TGFBR1: variants seen among roughly 807,000 people sequenced by gnomAD.
TGFBR1 encodes the protein transforming growth factor beta receptor 1.
TGFBR1 carries 20 observed loss-of-function variants against 55.1 expected under a neutral mutation model. The ratio of observed to expected loss-of-function variants is 0.36; its 90% confidence interval spans 0.26 to 0.53. The LOEUF (loss-of-function observed/expected upper bound fraction) is 0.53. TGFBR1 is among the 20% of genes least tolerant of loss of function. The pLI is 0.91. For synonymous variants in TGFBR1, 220 were observed against 214.8 expected, an observed-to-expected ratio of 1.02 and a Z score of -0.21; for missense variants, 385 against 617.6, an observed-to-expected ratio of 0.62 and a Z score of 3.99.
chr9:99,142,783 G>T, intron 5 of TGFBR1, 80 bp downstream of exon 5: 1 of 1,525,408 alleles, frequency 6.6e-7, no homozygotes, highest in Non-Finnish European at 9.0e-7. Context: ...TGGAGGCTGG[G>T]CCTGGTGGCT....
At position 99,119,324 on chromosome 9, in the gene TGFBR1, G is replaced by C. The variant is rs529382448; in HGVS notation, c.98-9531G>C. On this transcript the variant is annotated intron_variant, in intron 1 of 8. Coordinates refer to ENST00000374994, the MANE Select transcript of TGFBR1 (RefSeq NM_004612.4). ...TTTGTATGTCATTCCCCTAGCCCAG[G>C]ATGATCAGCCACTTTCATTTACGTT... Among the ~76,000 whole-genome samples, 7 of 152,218 alleles carry C rather than the reference G, an allele frequency of 4.6e-5. No homozygotes were observed. The East Asian group carries it at 1.4e-3, about 29-fold the overall frequency.
At chr9:99,130,429 G>A (rs754577858) in intron 2 of TGFBR1, among the ~76,000 whole-genome samples, 4 of 152,330 alleles carry the variant, frequency 2.6e-5, no homozygotes, top group Non-Finnish European at 4.4e-5. Context: ...TGTTCAGCAT[G>A]ATAATGCAGC....
chr9:99,127,782 A>G (rs577998359), intron 1 of TGFBR1: 1 of 367,576 alleles, frequency 2.7e-6, no homozygotes, highest in African/African-American at 2.1e-5. Context: ...AGTAATTGGA[A>G]TGTTTGGATT....
chr9:99,138,446 GCTGTTTC>G (rs1827507478), intron 4 of TGFBR1, among the ~76,000 whole-genome samples: 1 of 152,216 alleles, frequency 6.6e-6, no homozygotes, highest in African/African-American at 2.4e-5. Flanking sequence ...GGCTCAGATA[GCTGTTTC>G]CTTTTAATCT....
chr9:99,128,407 A>G (rs1827102461), intron 1 of TGFBR1, among the ~76,000 whole-genome samples: 2 of 150,932 alleles, frequency 1.3e-5, no homozygotes, highest in Non-Finnish European at 2.9e-5. Context: ...CCTACACTTA[A>G]TGGGTGGTAG....
intron 4 of TGFBR1, 54 bp downstream of exon 4, chr9:99,138,143 T>C (rs1325493358): frequency 6.8e-7 from 1 of 1,479,722 alleles, no homozygotes; most frequent in African/African-American, 1.4e-5. Context: ...TCTTTAAGTC[T>C]TTACAGATAT....
intron 7 of TGFBR1, 87 bp downstream of exon 7, chr9:99,146,696 G>T: frequency 6.3e-7 from 1 of 1,584,848 alleles, no homozygotes; most frequent in Non-Finnish European, 8.7e-7. Context: ...ATGAAATTAT[G>T]TACAGTCCAT....
At chr9:99,134,802 T>TTATATATATATATATA (rs10625219) in intron 3 of TGFBR1, among the ~76,000 whole-genome samples, 20 of 41,362 alleles carry the variant, frequency 4.8e-4, no homozygotes, top group Non-Finnish European at 8.0e-4. Context: ...TCTGTTTCCA[T>TTATATATATATATATA]TATATATATA....
At chr9:99,103,962 A>C (rs1031621529), upstream of TGFBR1, 1 of 152,230 alleles carries the variant, frequency 6.6e-6, no homozygotes, top group Non-Finnish European at 1.5e-5. Context: ...CACAGAAAAT[A>C]AAATTTCCTC....
rs202010361 is a variant in TGFBR1, at chr9:99,142,659, C to T, written c.929C>T (p.Ala310Val). 23 of 1,614,066 alleles carry T rather than the reference C, an allele frequency of 1.4e-5. No homozygotes were observed. The African/African-American group carries it at 2.0e-4, about 14-fold the overall frequency. ...ATGATAAAACTTGCTCTGTCCACGG[C>T]GAGCGGTCTTGCCCATCTTCACATG... ...EGMIKLALST[A>V]SGLAHLHMEI... The change falls in exon 5 of 9, where the codon GCG becomes GTG. Residue 310 changes from alanine to valine, a missense_variant. Ala to Val is a moderately conservative substitution (Grantham distance 64, BLOSUM62 0). Around this residue, in one of 5 missense-constraint regions of TGFBR1, gnomAD observed 85 missense variants for 228.4 expected, o/e 0.37. Coordinates refer to ENST00000374994, the MANE Select transcript of TGFBR1 (RefSeq NM_004612.4).
chr9:99,127,273 A>G (rs1827069323), intron 1 of TGFBR1, among the ~76,000 whole-genome samples: 1 of 152,180 alleles, frequency 6.6e-6, no homozygotes, highest in South Asian at 2.1e-4. Context: ...GAAGTTGTCA[A>G]CCAGGGAAGT....
chr9:99,152,314 C>T lies in TGFBR1; in HGVS notation c.*3009C>T, dbSNP rs1456956160. The T allele has an allele frequency of 9.2e-6, 2 of 218,398 alleles. No individual in the cohort carries two copies. The highest frequency in any genetic ancestry group is 6.7e-5 in the East Asian group (1 of 14,982). 13.5% of individuals were successfully genotyped at this position (218,398 alleles called of 1,614,324 possible). ...GAGGAGTGGGATGGCAGCAAGGTGG[C>T]TCCTGTGGCAGTGGAGTTGTGCCAG... is the stretch of plus-strand genomic sequence containing the variant. On this transcript the variant is annotated 3_prime_UTR_variant, in exon 9 of 9. Coordinates refer to ENST00000374994, the MANE Select transcript of TGFBR1 (RefSeq NM_004612.4).
chr9:99,123,645 T>A (rs1178902124), intron 1 of TGFBR1, among the ~76,000 whole-genome samples: 1 of 152,200 alleles, frequency 6.6e-6, no homozygotes, highest in East Asian at 1.9e-4. Flanking sequence ...GTTTTCTTTT[T>A]AAAATTTTTA....
intron 1 of TGFBR1, among the ~76,000 whole-genome samples, chr9:99,106,880 A>G (rs767245733): frequency 6.6e-6 from 1 of 152,220 alleles, no homozygotes; most frequent in Non-Finnish European, 1.5e-5. Flanking sequence ...GTGGGCCTGC[A>G]TTAGAGGAAA....
chr9:99,137,721 A>T, intron 3 of TGFBR1, 138 bp from the exon 4 acceptor site: 1 of 659,046 alleles, frequency 1.5e-6, no homozygotes, highest in Non-Finnish European at 2.7e-6. Context: ...TGCAAATATA[A>T]TATCTCCCCA....
rs992009972 is a variant in TGFBR1, at chr9:99,149,358, T to C, written c.*53T>C. 25 of 1,610,462 alleles carry C rather than the reference T, an allele frequency of 1.6e-5. No individual in the cohort carries two copies. The African/African-American group carries it at 3.2e-4, about 21-fold the overall frequency. ...TTTTCTTCAGATCTGCTCCTGGGTT[T>C]TAATTTGGGAGGTCAATTGTTCTAC... On this transcript the variant is annotated 3_prime_UTR_variant, in exon 9 of 9. Coordinates refer to ENST00000374994, the MANE Select transcript of TGFBR1 (RefSeq NM_004612.4).
rs1405292811 is a variant in TGFBR1 at position 99,149,279 on chromosome 9, A to G, written c.1486A>G (p.Ser496Gly). 6.2e-7 allele frequency: 1 copy of G among 1,613,888 alleles called. No homozygotes were observed. The highest frequency in any genetic ancestry group is 8.5e-7 in the Non-Finnish European group (1 of 1,179,862). The change falls in exon 9 of 9, where the codon AGT becomes GGT. Residue 496 changes from serine (S) to glycine (G), a missense_variant. Coordinates refer to ENST00000374994, the MANE Select transcript of TGFBR1 (RefSeq NM_004612.4). ...GATTAAGAAAACATTATCGCAACTC[A>G]GTCAACAGGAAGGCATCAAAATGTA... Reference protein sequence around the residue: ...LRIKKTLSQLSQQEGIKM With the variant: ...LRIKKTLSQLGQQEGIKM
intron 4 of TGFBR1, 29 bp from the exon 5 acceptor site, chr9:99,142,507 C>T: frequency 6.2e-7 from 1 of 1,613,588 alleles, no homozygotes; most frequent in African/African-American, 1.3e-5. Flanking sequence ...GGTCTGCAGC[C>T]CAACCGAAAT....
rs536310981 is a variant in TGFBR1, at chr9:99,143,459, A to G, written c.973+756A>G. ...GTTGAAAAATTAAATACTAAGTTTT[A>G]GTTATGACATTTGTATGCTGTAGTT... On this transcript the variant is annotated intron_variant, in intron 5 of 8. Transcript: ENST00000374994. Among the ~76,000 whole-genome samples, 13 of 152,336 alleles carry G rather than the reference A, an allele frequency of 8.5e-5. No homozygotes were observed. The South Asian group carries it at 2.7e-3, about 32-fold the overall frequency.
Sources: gnomAD v4.1 joint callset for allele counts (sites outside exome capture counted in the v4.1 genomes callset) on GRCh38, gnomAD v4.1.1 for gene constraint, gnomAD v4.1.1 regional missense constraint, MANE v1.5 for transcripts, NCBI Gene and HGNC (gene_info 2026-07-23, HGNC 2026-07-21) for gene names.